Variants in CDC25B observed in about 807,000 individuals in gnomAD.
CDC25B encodes M-phase inducer phosphatase 2.
A neutral mutation model predicts 69.8 loss-of-function variants in CDC25B; 33 were observed. The observed-to-expected ratio is 0.47, with a 90% confidence interval of 0.36 to 0.63. The LOEUF (loss-of-function observed/expected upper bound fraction) is 0.63, where lower values mean the gene tolerates loss of function less well. Ranked by LOEUF, CDC25B falls within the 30% of genes least tolerant of loss-of-function variation. The pLI, the probability that CDC25B is intolerant of heterozygous loss-of-function variation, is 0.00. For missense variants in CDC25B, 727 were observed against 809.1 expected (o/e 0.90, Z 1.23); for synonymous variants, 341 against 314.6 (o/e 1.08, Z -0.89).
At chr20:3,802,231 TG>T (rs749024854) in intron 10 of CDC25B, 49 bp from the exon 11 acceptor site, 5 of 1,568,544 alleles carry the variant, frequency 3.2e-6, no homozygotes, top group Non-Finnish European at 1.7e-6. Context: ...GCCAGAGCAC[TG>T]GGGGGCAGCC....
Position 3,803,632 on chromosome 20 carries a change from A to G in CDC25B, c.1490+95A>G, listed in dbSNP as rs1053447986. 4.1e-5 allele frequency: 62 copies of G among 1,507,034 alleles called. 1 individual carries two copies. The South Asian group carries it at 6.5e-4, about 16-fold the overall frequency. The allele number at this position is 1,507,034 out of a possible 1,614,324, so 93.4% of individuals were successfully genotyped here. A position where few individuals can be genotyped will look rare whatever the true frequency, so the allele number is the denominator to read the frequency against. ...GCACCATTGAGATGGCCAGGGGTGC[A>G]AGTCCAGGTCCTCCTCTGTCCCATC... is the stretch of plus-strand genomic sequence containing the variant. On this transcript the variant is annotated intron_variant, in intron 14 of 15. Transcript: ENST00000245960. The surrounding 1 kb of genome is among the most constrained non-coding windows in gnomAD (Gnocchi z 4.9).
intron 11 of CDC25B, 77 bp from the exon 12 acceptor site, chr20:3,802,833 A>C: frequency 7.9e-7 from 1 of 1,263,020 alleles, no homozygotes; most frequent in Non-Finnish European, 1.2e-6. Flanking sequence ...TTTGGGAATG[A>C]AACTTCATTC....
Position 3,803,721 on chromosome 20 carries a change from C to T in CDC25B, c.1490+184C>T, listed in dbSNP as rs957670593. Among the ~76,000 whole-genome samples, 1 of 152,184 alleles carries T rather than the reference C, an allele frequency of 6.6e-6. No homozygotes were observed. Among genetic ancestry groups the T allele is most frequent in the Non-Finnish European group, 1.5e-5 (1 of 68,024 alleles). ...CATGGTACCCGCCTCCCATCTCCCT[C>T]ACTGTCCTGCCTATCAAGCCTCATG... On this transcript the variant is annotated intron_variant, in intron 14 of 15. Transcript: ENST00000245960. The surrounding 1 kb of genome is among the most constrained non-coding windows in gnomAD (Gnocchi z 4.9).
At position 3,796,351 on chromosome 20, in the gene CDC25B, C is replaced by T. The variant is rs2089039196; in HGVS notation, c.-181C>T. Reference sequence around the variant, plus strand: ...GGTGCCTGAGCCCGGCGTCCCTCGCCCCCCGCCCTCCCCGCATCCCTCTCC... The same window carrying T: ...GGTGCCTGAGCCCGGCGTCCCTCGCTCCCCGCCCTCCCCGCATCCCTCTCC... On this transcript the variant is annotated 5_prime_UTR_variant, in exon 1 of 16. Coordinates refer to ENST00000245960, the MANE Select transcript of CDC25B (RefSeq NM_021873.4). 6 of 1,296,380 alleles carry T rather than the reference C, an allele frequency of 4.6e-6. No homozygotes were observed. The highest frequency in any genetic ancestry group is 3.6e-5 in the East Asian group (1 of 28,120). The allele number at this position is 1,296,380 out of a possible 1,614,324, so 80.3% of individuals were successfully genotyped here.
chr20:3,795,752 G>T, upstream of CDC25B: 1 of 985,542 alleles, frequency 1.0e-6, no homozygotes, highest in Non-Finnish European at 1.2e-6. Flanking sequence ...CTGCTGCTCA[G>T]CGCAGCCAGT....
At position 3,803,393 on chromosome 20, in the gene CDC25B, T is replaced by A. The variant is rs1600406168; in HGVS notation, c.1357-11T>A. 6.2e-7 allele frequency: 1 copy of A among 1,613,976 alleles called. No individual in the cohort carries two copies. The highest frequency in any genetic ancestry group is 8.5e-7 in the Non-Finnish European group (1 of 1,179,960). ...CCCGGGGCTGTGCCTGACCTCTGGC[T>A]CCTCTGACAGACTGCGGTGAACTTG... On this transcript the variant is annotated splice_polypyrimidine_tract_variant and intron_variant, in intron 13 of 15. Transcript: ENST00000245960. The surrounding 1 kb of genome is among the most constrained non-coding windows in gnomAD (Gnocchi z 4.9).
upstream of CDC25B, among the ~76,000 whole-genome samples, chr20:3,794,350 T>G (rs2088972226): frequency 6.6e-6 from 1 of 151,194 alleles, no homozygotes; most frequent in South Asian, 2.1e-4. Context: ...TGATGGCCAG[T>G]GATGATGAGC....
In CDC25B at chr20:3,796,430, C is replaced by CT; in HGVS notation, c.-102_-101insT. On this transcript the variant is annotated 5_prime_UTR_variant, in exon 1 of 16. Coordinates refer to ENST00000245960, the MANE Select transcript of CDC25B (RefSeq NM_021873.4). Reference sequence around the variant, plus strand: ...CTCCCTCCCTCCTTCCCCCCCCCCCCACCCCTCGCCCGCTGCCTCCCTCGG... The same window carrying CT: ...CTCCCTCCCTCCTTCCCCCCCCCCCCTACCCCTCGCCCGCTGCCTCCCTCGG... The CT allele has an allele frequency of 8.4e-6, 3 of 355,038 alleles. No individual in the cohort carries two copies. The highest frequency in any genetic ancestry group is 1.2e-5 in the Non-Finnish European group (3 of 246,630). The allele number at this position is 355,038 out of a possible 1,614,324, so 22.0% of individuals were successfully genotyped here.
chr20:3,799,537 CGT>C (rs1568506078), intron 3 of CDC25B, among the ~76,000 whole-genome samples: 2 of 150,858 alleles, frequency 1.3e-5, no homozygotes, highest in Non-Finnish European at 2.9e-5. Flanking sequence ...CGCGCGCGCG[CGT>C]AGATGCACAA....
intron 5 of CDC25B, 54 bp downstream of exon 5, chr20:3,800,552 T>C (rs1174272081): frequency 3.1e-6 from 5 of 1,602,692 alleles, no homozygotes; most frequent in Non-Finnish European, 4.3e-6. Context: ...AGGCATGGGG[T>C]AGATGAGCAG....
upstream of CDC25B, among the ~76,000 whole-genome samples, chr20:3,791,590 G>A (rs2088915691): frequency 6.6e-6 from 1 of 152,138 alleles, no homozygotes; most frequent in South Asian, 2.1e-4. Context: ...GGCTGAGGTG[G>A]GAGGATTGCT....
At position 3,801,993 on chromosome 20, in the gene CDC25B, C is replaced by T. The variant is rs1204429629; in HGVS notation, c.991C>T (p.Pro331Ser). 6.2e-7 allele frequency: 1 copy of T among 1,608,586 alleles called. No individual in the cohort carries two copies. The highest frequency in any genetic ancestry group is 8.5e-7 in the Non-Finnish European group (1 of 1,177,734). ...SPSMPCSVIR[P>S]ILKRLERPQD... ...GTCCATGCCCTGCAGCGTGATCCGG[C>T]CCATCCTCAAGAGGCTGGAGCGGCC... is the stretch of plus-strand genomic sequence containing the variant. The change falls in exon 10 of 16, where the codon CCC becomes TCC. Residue 331 changes from proline (P) to serine (S), a missense_variant. This residue lies in a region of CDC25B where 359 missense variants were observed against 463.4 expected (regional missense o/e 0.77). Transcript: ENST00000245960.
upstream of CDC25B, among the ~76,000 whole-genome samples, chr20:3,794,844 T>C (rs920961585): frequency 6.6e-6 from 1 of 152,038 alleles, no homozygotes; most frequent in Non-Finnish European, 1.5e-5. Flanking sequence ...CCCCATCCAA[T>C]GCACCTTGGG....
chr20:3,795,377 CAAAA>C (rs547156833), upstream of CDC25B, among the ~76,000 whole-genome samples: 27 of 64,098 alleles, frequency 4.2e-4, no homozygotes, highest in South Asian at 1.4e-3. Context: ...CAAAACAAAA[CAAAA>C]AGAAAGATAA....
chr20:3,797,554 G>A lies in CDC25B; in HGVS notation c.201-68G>A, dbSNP rs2089104022. The A allele has an allele frequency of 2.5e-6, 4 of 1,582,442 alleles. No homozygotes were observed. The South Asian group carries it at 4.5e-5, about 18-fold the overall frequency. On this transcript the variant is annotated intron_variant, in intron 1 of 15. Transcript: ENST00000245960. ...CTTTTCTCAGCAAGGGAGTGGGAAC[G>A]TGGGCTAGCCAGGCCTTGAGCCCCA...
chr20:3,795,098 G>A (rs11569977), upstream of CDC25B, among the ~76,000 whole-genome samples: 4 of 152,166 alleles, frequency 2.6e-5, no homozygotes, highest in Non-Finnish European at 4.4e-5. Context: ...ACAGTGGCTC[G>A]TGCGTGTAAT....
At position 3,798,031 on chromosome 20, in the gene CDC25B, A is replaced by G. The variant is rs1047562105; in HGVS notation, c.328+282A>G. Reference sequence around the variant, plus strand: ...CACGCTCCAGAGTTCCTAAACCACAACCCTACCTGGGAAGCACCCAGGGCT... The same window carrying G: ...CACGCTCCAGAGTTCCTAAACCACAGCCCTACCTGGGAAGCACCCAGGGCT... On this transcript the variant is annotated intron_variant, in intron 2 of 15. Coordinates refer to ENST00000245960, the MANE Select transcript of CDC25B (RefSeq NM_021873.4). 2.0e-5 allele frequency among the ~76,000 whole-genome samples: 3 copies of G among 152,074 alleles called. No individual in the cohort carries two copies. The East Asian group carries it at 5.8e-4, about 29-fold the overall frequency.
At chr20:3,802,673 A>G in intron 11 of CDC25B, 1 of 605,168 alleles carries the variant, frequency 1.7e-6, no homozygotes, top group Non-Finnish European at 2.9e-6. Flanking sequence ...GGTAGGGAGC[A>G]GAGTGTGGAG....
chr20:3,791,482 A>G (rs138775990), upstream of CDC25B, among the ~76,000 whole-genome samples: 52 of 152,288 alleles, frequency 3.4e-4, no homozygotes, highest in African/African-American at 1.2e-3. Context: ...CAGGAGTTCA[A>G]GACCAGCCTG....
Sources: allele counts gnomAD v4.1 joint callset (sites outside exome capture counted in the v4.1 genomes callset), GRCh38; gene constraint gnomAD v4.1.1; regional missense constraint gnomAD v4.1.1; non-coding constraint Gnocchi (gnomAD v3.1); transcripts MANE v1.5; gene names NCBI Gene and HGNC (gene_info 2026-07-23, HGNC 2026-07-21).